ZNF473: variants seen among roughly 807,000 people sequenced by gnomAD.
ZNF473 encodes the protein zinc finger protein 100 homolog.
ZNF473 carries 4 observed loss-of-function variants against 11.1 expected under a neutral mutation model. The observed-to-expected ratio is 0.36, with a 90% confidence interval of 0.18 to 0.82. The LOEUF is 0.82. Ranked by LOEUF, ZNF473 falls within the 40% of genes least tolerant of loss-of-function variation. The pLI is 0.49. For synonymous variants in ZNF473, 404 were observed against 390.4 expected (o/e 1.03, Z -0.41); for missense variants, 854 against 1,084.0 (o/e 0.79, Z 2.98).
chr19:50,026,382 C>G (rs538748218), intron 1 of ZNF473, among the ~76,000 whole-genome samples: 2 of 152,036 alleles, frequency 1.3e-5, no homozygotes, highest in African/African-American at 4.8e-5. Context: ...AACCCCCAGT[C>G]TCTACTAAAA....
At position 50,046,818 on chromosome 19, in the gene ZNF473, G is replaced by GGAAA. The variant is rs1568412478; in HGVS notation, c.2377_2380dup (p.Ala794GlufsTer25). 1.2e-6 allele frequency: 2 copies of GGAAA among 1,614,182 alleles called. No individual in the cohort carries two copies. Among genetic ancestry groups the GGAAA allele is most frequent in the Non-Finnish European group, 1.7e-6 (2 of 1,180,024 alleles). Reference sequence around the variant, plus strand: ...AAGCCCTACAGATGTGGTGAATGTGGGAAAGCCTTTGCCCAGAAAGCAAAT... The same window carrying GGAAA: ...AAGCCCTACAGATGTGGTGAATGTGGGAAAGAAAGCCTTTGCCCAGAAAGCAAAT... On this transcript the variant is annotated frameshift_variant, in exon 5 of 5. Transcript: ENST00000270617. LOFTEE classifies it low-confidence loss of function (END_TRUNC). The surrounding 1 kb of genome is among the most constrained non-coding windows in gnomAD (Gnocchi z 5.9).
At position 50,046,676 on chromosome 19, in the gene ZNF473, C is replaced by T. The variant is rs1979146835; in HGVS notation, c.2233C>T (p.Leu745Phe). 6.2e-7 allele frequency: 1 copy of T among 1,614,096 alleles called. No homozygotes were observed. Among genetic ancestry groups the T allele is most frequent in the Non-Finnish European group, 8.5e-7 (1 of 1,180,048 alleles). Residue 745 changes from leucine to phenylalanine, a missense_variant, in exon 5 of 5, where the codon CTT becomes TTT. Leu to Phe is a conservative substitution (Grantham distance 22, BLOSUM62 0). Transcript: ENST00000270617. The surrounding 1 kb of genome is among the most constrained non-coding windows in gnomAD (Gnocchi z 5.9). ...CGKAFGLSAELVRHQRIHTGE... is the reference protein window; with the variant it reads ...CGKAFGLSAEFVRHQRIHTGE... ...GAAGGCCTTCGGCCTGAGTGCTGAG[C>T]TTGTCCGCCACCAGAGAATTCACAC...
intron 4 of ZNF473, among the ~76,000 whole-genome samples, chr19:50,043,725 A>G (rs964411647): frequency 2.0e-5 from 3 of 152,020 alleles, no homozygotes; most frequent in Non-Finnish European, 4.4e-5. Flanking sequence ...CAGGGGTCAG[A>G]CCCTTTCATA....
intron 2 of ZNF473, among the ~76,000 whole-genome samples, chr19:50,038,156 TATATAAA>T (rs1978566376): frequency 6.8e-6 from 1 of 146,948 alleles, no homozygotes; most frequent in Admixed American, 6.8e-5. Context: ...TACAGGTGCA[TATATAAA>T]TTATAAATTA....
Position 50,047,255 on chromosome 19 carries a change from C to T in ZNF473, c.*196C>T. On this transcript the variant is annotated 3_prime_UTR_variant, in exon 5 of 5. Coordinates refer to ENST00000270617, the MANE Select transcript of ZNF473 (RefSeq NM_015428.4). ...TACAACGTCAGGATTCAGAGGTAGG[C>T]TCTGGAGCCAGTCTACCTTGAGTTA... is the stretch of plus-strand genomic sequence containing the variant. 1.7e-6 allele frequency: 1 copy of T among 577,900 alleles called. No individual in the cohort carries two copies. Among genetic ancestry groups the T allele is most frequent in the Non-Finnish European group, 3.0e-6 (1 of 331,478 alleles). The allele number at this position is 577,900 out of a possible 1,614,324, so 35.8% of individuals were successfully genotyped here. A position where few individuals can be genotyped will look rare whatever the true frequency, so the allele number is the denominator to read the frequency against.
chr19:50,044,824 C>A lies in ZNF473; in HGVS notation c.381C>A (p.Gly127=). Residue 127 remains glycine, a synonymous_variant, in exon 5 of 5, where the codon GGC becomes GGA. Transcript: ENST00000270617. ...IEDTWLDSLL[G]DPESLLRSDI... Reference sequence around the variant, plus strand: ...ACACCTGGTTAGATAGTTTGCTAGGCGATCCAGAAAGTCTTCTGAGGTCTG... The same window carrying A: ...ACACCTGGTTAGATAGTTTGCTAGGAGATCCAGAAAGTCTTCTGAGGTCTG... 6.2e-7 allele frequency: 1 copy of A among 1,614,190 alleles called. No individual in the cohort carries two copies. The highest frequency in any genetic ancestry group is 8.5e-7 in the Non-Finnish European group (1 of 1,180,044).
At chr19:50,042,866 G>A (rs1406651925) in intron 4 of ZNF473, 1 of 152,234 alleles carries the variant, frequency 6.6e-6, no homozygotes, top group Non-Finnish European at 1.5e-5. Flanking sequence ...AGGAGAGTGA[G>A]CTGGATATCT....
At position 50,046,829 on chromosome 19, in the gene ZNF473, G is replaced by T; in HGVS notation, c.2386G>T (p.Ala796Ser). ...YRCGECGKAF[A>S]QKANLTQHQR... Reference sequence around the variant, plus strand: ...ATGTGGTGAATGTGGGAAAGCCTTTGCCCAGAAAGCAAATCTAACACAGCA... The same window carrying T: ...ATGTGGTGAATGTGGGAAAGCCTTTTCCCAGAAAGCAAATCTAACACAGCA... Residue 796 changes from alanine (A) to serine (S), a missense_variant, in exon 5 of 5, where the codon GCC becomes TCC. By Grantham distance (99) the Ala-to-Ser change is moderately conservative (BLOSUM62 1). Transcript: ENST00000270617. This position sits in a 1 kb window ranked among gnomAD's most constrained non-coding sequence, Gnocchi z 5.9. The T allele has an allele frequency of 6.2e-7, 1 of 1,614,208 alleles. No homozygotes were observed. The highest frequency in any genetic ancestry group is 8.5e-7 in the Non-Finnish European group (1 of 1,180,042).
intron 2 of ZNF473, among the ~76,000 whole-genome samples, chr19:50,031,342 A>G (rs1161966519): frequency 2.6e-5 from 4 of 152,150 alleles, no homozygotes; most frequent in African/African-American, 9.7e-5. Context: ...TATAGAATAA[A>G]TTCCAGGTTT....
chr19:50,045,778 C>T lies in ZNF473; in HGVS notation c.1335C>T (p.His445=), dbSNP rs756054357. Residue 445 remains histidine, a synonymous_variant, in exon 5 of 5, where the codon CAC becomes CAT. Coordinates refer to ENST00000270617, the MANE Select transcript of ZNF473 (RefSeq NM_015428.4). ...GGAAGGCCTTCCACCGGCACACTCA[C>T]CTTAATGAACATCGGCGAATTCATA... ...ECGKAFHRHT[H]LNEHRRIHTG... The T allele has an allele frequency of 2.5e-6, 4 of 1,614,022 alleles. No individual in the cohort carries two copies. Among genetic ancestry groups the T allele is most frequent in the Non-Finnish European group, 1.7e-6 (2 of 1,180,044 alleles).
intron 2 of ZNF473, among the ~76,000 whole-genome samples, chr19:50,036,713 GA>G (rs879383270): frequency 2.0e-5 from 3 of 152,094 alleles, no homozygotes; most frequent in Non-Finnish European, 4.4e-5. Context: ...GTTATCATGA[GA>G]GTGGGTCTGT....
chr19:50,043,005 C>T (rs1407038235), intron 4 of ZNF473, among the ~76,000 whole-genome samples: 1 of 152,018 alleles, frequency 6.6e-6, no homozygotes, highest in Admixed American at 6.6e-5. Context: ...AGATGGTGAG[C>T]CAAGAACTGC....
At position 50,046,810 on chromosome 19, in the gene ZNF473, T is replaced by A; in HGVS notation, c.2367T>A (p.Gly789=). ...VHTGEKPYRC[G]ECGKAFAQKA... ...CTGGGGAGAAGCCCTACAGATGTGG[T>A]GAATGTGGGAAAGCCTTTGCCCAGA... Residue 789 remains glycine, a synonymous_variant, in exon 5 of 5, where the codon GGT becomes GGA. Transcript: ENST00000270617. This position sits in a 1 kb window ranked among gnomAD's most constrained non-coding sequence, Gnocchi z 5.9. 6.2e-7 allele frequency: 1 copy of A among 1,614,010 alleles called. No homozygotes were observed. Among genetic ancestry groups the A allele is most frequent in the South Asian group, 1.1e-5 (1 of 91,076 alleles).
chr19:50,039,021 C>T lies in ZNF473; in HGVS notation c.10-140C>T. 1 of 1,103,332 alleles carries T rather than the reference C, an allele frequency of 9.1e-7. No homozygotes were observed. Among genetic ancestry groups the T allele is most frequent in the Non-Finnish European group, 1.3e-6 (1 of 761,360 alleles). The allele number at this position is 1,103,332 out of a possible 1,614,324, so 68.3% of individuals were successfully genotyped here. ...TACAGGGGTTTCCAGTCTCTTACATCTCAAGATTCTTGTGAGGCTGAGGAT... is the reference window on the plus strand; with the variant it reads ...TACAGGGGTTTCCAGTCTCTTACATTTCAAGATTCTTGTGAGGCTGAGGAT... On this transcript the variant is annotated intron_variant, in intron 2 of 4. Coordinates refer to ENST00000270617, the MANE Select transcript of ZNF473 (RefSeq NM_015428.4). This position sits in a 1 kb window ranked among gnomAD's most constrained non-coding sequence, Gnocchi z 4.8.
At chr19:50,038,528 G>A (rs1222376041) in intron 2 of ZNF473, among the ~76,000 whole-genome samples, 1 of 152,170 alleles carries the variant, frequency 6.6e-6, no homozygotes, top group Non-Finnish European at 1.5e-5. Flanking sequence ...GCCACACTCA[G>A]AACATGGGAC....
chr19:50,038,883 C>T (rs757412151), intron 2 of ZNF473, among the ~76,000 whole-genome samples: 1 of 152,164 alleles, frequency 6.6e-6, no homozygotes, highest in African/African-American at 2.4e-5. Context: ...AAAGCAAAAG[C>T]GTAAAATAGA....
chr19:50,031,032 C>T lies in ZNF473; in HGVS notation c.-51C>T, dbSNP rs370277282. ...CCCACAGCCCTGCCAGCCGGGAACA[C>T]GGAGGGGAAGGAGGAGGAGCTTAAA... On this transcript the variant is annotated 5_prime_UTR_variant, in exon 2 of 5. It adds an upstream start codon to the 5' untranslated region. Transcript: ENST00000270617. 4.0e-5 allele frequency: 62 copies of T among 1,557,084 alleles called. 1 individual carries two copies. Among genetic ancestry groups the T allele is most frequent in the Admixed American group, 2.9e-4 (15 of 51,866 alleles).
chr19:50,046,035 A>G lies in ZNF473; in HGVS notation c.1592A>G (p.Lys531Arg). Residue 531 changes from lysine (K) to arginine (R), a missense_variant, in exon 5 of 5, where the codon AAG (lysine) becomes AGG (arginine). Lys to Arg is a conservative substitution (Grantham distance 26). Around this residue, in one of 2 missense-constraint regions of ZNF473, gnomAD observed 668 missense variants for 790.2 expected, o/e 0.85. Coordinates refer to ENST00000270617, the MANE Select transcript of ZNF473 (RefSeq NM_015428.4). This position sits in a 1 kb window ranked among gnomAD's most constrained non-coding sequence, Gnocchi z 5.9. ...GERFICGSTL[K>R]CHESVHAREK... ...CGCTTCATTTGCGGCTCAACCCTGA[A>G]GTGCCACGAGAGTGTTCACGCCAGA... 1 of 1,614,236 alleles carries G rather than the reference A, an allele frequency of 6.2e-7. No individual in the cohort carries two copies. The highest frequency in any genetic ancestry group is 1.3e-5 in the African/African-American group (1 of 75,052).
In ZNF473 at chr19:50,046,987, G is replaced by C. The variant is rs1979170365; in HGVS notation, c.2544G>C (p.Gln848His). The C allele has an allele frequency of 1.2e-6, 2 of 1,614,090 alleles. No homozygotes were observed. The highest frequency in any genetic ancestry group is 1.7e-6 in the Non-Finnish European group (2 of 1,180,038). Residue 848 changes from glutamine (Q) to histidine (H), a missense_variant, in exon 5 of 5, where the codon CAG (glutamine) becomes CAC (histidine). Transcript: ENST00000270617. The surrounding 1 kb of genome is among the most constrained non-coding windows in gnomAD (Gnocchi z 5.9). Reference sequence around the variant, plus strand: ...CACTTTATCAGTGTCAACGTTGCCAGAAAGCCTTTCGGTGCCACTCGAGCC... The same window carrying C: ...CACTTTATCAGTGTCAACGTTGCCACAAAGCCTTTCGGTGCCACTCGAGCC... ...QETLYQCQRC[Q>H]KAFRCHSSLS... is the part of the protein sequence containing the mutation.
Sources: gnomAD v4.1 joint callset for allele counts (sites outside exome capture counted in the v4.1 genomes callset) on GRCh38, gnomAD v4.1.1 for gene constraint, gnomAD v4.1.1 regional missense constraint, Gnocchi (gnomAD v3.1) non-coding constraint, MANE v1.5 for transcripts, NCBI Gene and HGNC (gene_info 2026-07-23, HGNC 2026-07-21) for gene names.